SEL1L3: variants seen among roughly 807,000 people sequenced by gnomAD.
SEL1L3 encodes protein sel-1 homolog 3.
A neutral mutation model predicts 142.8 loss-of-function variants in SEL1L3; 76 were observed. The ratio of observed to expected loss-of-function variants is 0.53; its 90% CI spans 0.44 to 0.64. The LOEUF (loss-of-function observed/expected upper bound fraction) is 0.64. Ranked by LOEUF, SEL1L3 falls within the 30% of genes least tolerant of loss-of-function variation. SEL1L3 has a pLI of 0.00. For missense variants in SEL1L3, 1,262 were observed against 1,381.7 expected (o/e 0.91, Z 1.37); for synonymous variants, 504 against 519.6 (o/e 0.97, Z 0.41).
intron 19 of SEL1L3, 83 bp downstream of exon 19, chr4:25,767,442 C>T: frequency 1.4e-6 from 1 of 735,046 alleles, no homozygotes; most frequent in Non-Finnish European, 2.4e-6. Context: ...TACCTCACTT[C>T]ACACAAAGCT....
At position 25,847,763 on chromosome 4, in the gene SEL1L3, G is replaced by A; in HGVS notation, c.264C>T (p.Val88=). The A allele has an allele frequency of 6.2e-7, 1 of 1,613,596 alleles. No homozygotes were observed. The highest frequency in any genetic ancestry group is 8.5e-7 in the Non-Finnish European group (1 of 1,179,736). Residue 88 remains valine (V), a synonymous_variant, in exon 2 of 24, where the codon GTC becomes GTT. Transcript: ENST00000399878. ...VAYKDFIYFT[V]FEGNVRNVSE... is the part of the protein sequence containing the mutation. ...AAACGTTGCGAACGTTTCCTTCAAA[G>A]ACAGTAAAATAAATAAAGTCTTTGT...
At chr4:25,779,280 T>G in intron 15 of SEL1L3, 77 bp from the exon 16 acceptor site, 1 of 1,519,038 alleles carries the variant, frequency 6.6e-7, no homozygotes, top group Non-Finnish European at 9.0e-7. Flanking sequence ...TGAGATGCTT[T>G]AAGCCTGATA....
At chr4:25,835,356 T>A in intron 2 of SEL1L3, 33 bp from the exon 3 acceptor site, 1 of 1,608,984 alleles carries the variant, frequency 6.2e-7, no homozygotes, top group Non-Finnish European at 8.5e-7. Flanking sequence ...CTTTCAATTA[T>A]ATCCAGAAAA....
intron 1 of SEL1L3, among the ~76,000 whole-genome samples, chr4:25,849,044 C>G (rs915492370): frequency 6.6e-6 from 1 of 152,122 alleles, no homozygotes; most frequent in African/African-American, 2.4e-5. Flanking sequence ...GAGGCTGAGG[C>G]AGGAGAATCA....
the SEL1L3 span, among the ~76,000 whole-genome samples, chr4:25,729,964 C>CT: frequency 2.6e-5 from 4 of 151,258 alleles, no homozygotes; most frequent in African/African-American, 7.3e-5. Context: ...CCTTCTTCTT[C>CT]TTTTTTTTGA....
At chr4:25,823,870 C>T (rs763192732) in intron 6 of SEL1L3, among the ~76,000 whole-genome samples, 13 of 152,194 alleles carry the variant, frequency 8.5e-5, no homozygotes, top group Admixed American at 2.0e-4. Flanking sequence ...TATTTCAGAA[C>T]GAGGGATGGA....
intron 5 of SEL1L3, among the ~76,000 whole-genome samples, 167 bp downstream of exon 5, chr4:25,832,828 A>C (rs1002620740): frequency 6.6e-6 from 1 of 152,244 alleles, no homozygotes; most frequent in African/African-American, 2.4e-5. Context: ...CTTATGATTT[A>C]AACTTCCATC....
At chr4:25,777,068 C>G (rs1719685472) in intron 16 of SEL1L3, among the ~76,000 whole-genome samples, 1 of 151,626 alleles carries the variant, frequency 6.6e-6, no homozygotes, top group African/African-American at 2.4e-5. Flanking sequence ...TTAAAAAATA[C>G]AAATACCCAA....
At chr4:25,843,700 C>T (rs1716316230) in intron 2 of SEL1L3, among the ~76,000 whole-genome samples, 1 of 152,234 alleles carries the variant, frequency 6.6e-6, no homozygotes, top group Non-Finnish European at 1.5e-5. Context: ...GCACCGGGGG[C>T]ATGTGGCCGA....
At chr4:25,752,914 A>G (rs1441829433) in intron 23 of SEL1L3, among the ~76,000 whole-genome samples, 1 of 152,224 alleles carries the variant, frequency 6.6e-6, no homozygotes, top group Non-Finnish European at 1.5e-5. Context: ...CGCCCAGCCC[A>G]TTTGTGGAGT....
chr4:25,838,416 C>T (rs1715968346), intron 2 of SEL1L3, among the ~76,000 whole-genome samples: 1 of 152,118 alleles, frequency 6.6e-6, no homozygotes, highest in Non-Finnish European at 1.5e-5. Context: ...CATTTGGAGA[C>T]AAGAAAAGTG....
chr4:25,835,472 G>C, intron 2 of SEL1L3, 149 bp from the exon 3 acceptor site: 1 of 824,364 alleles, frequency 1.2e-6, no homozygotes, highest in Non-Finnish European at 1.9e-6. Flanking sequence ...TTGAATAAAT[G>C]CCAAGCACCA....
intron 13 of SEL1L3, among the ~76,000 whole-genome samples, chr4:25,784,548 A>G (rs550784274): frequency 1.1e-3 from 161 of 152,318 alleles, no homozygotes; most frequent in African/African-American, 3.7e-3. Context: ...CAACCCTGTC[A>G]ATCCACAGGT....
rs1717986202 is a variant in SEL1L3 at position 25,756,729 on chromosome 4, T to A, written c.3259+805A>T. 11 of 1,115,414 alleles carry A rather than the reference T, an allele frequency of 9.9e-6. 1 individual carries two copies. In the South Asian group the frequency reaches 2.4e-4, roughly 25 times the overall value. The allele number at this position is 1,115,414 out of a possible 1,614,324, so 69.1% of individuals were successfully genotyped here. On this transcript the variant is annotated intron_variant, in intron 23 of 23. Transcript: ENST00000399878. ...TTAGTGGAAACCATGCTCAGCTAAATGCCCACTTTACGATTCCTGCTCAGT... is the reference window on the plus strand; with the variant it reads ...TTAGTGGAAACCATGCTCAGCTAAAAGCCCACTTTACGATTCCTGCTCAGT...
intron 23 of SEL1L3, among the ~76,000 whole-genome samples, chr4:25,755,137 G>T (rs1030910284): frequency 2.6e-5 from 4 of 152,084 alleles, no homozygotes; most frequent in African/African-American, 9.7e-5. Context: ...AGGCTGGAGT[G>T]CCATGGTGTG....
chr4:25,757,507 T>A, intron 23 of SEL1L3, 27 bp downstream of exon 23: 1 of 1,438,608 alleles, frequency 7.0e-7, no homozygotes, highest in Non-Finnish European at 9.3e-7. Flanking sequence ...TTTTAATATA[T>A]TGCTTTCGCT....
At chr4:25,777,144 A>G (rs1719691916) in intron 16 of SEL1L3, among the ~76,000 whole-genome samples, 3 of 152,140 alleles carry the variant, frequency 2.0e-5, no homozygotes, top group Non-Finnish European at 1.5e-5. Flanking sequence ...AAGCAAAAAA[A>G]TGGAAAAAGA....
At chr4:25,830,712 C>T (rs534676999) in intron 5 of SEL1L3, among the ~76,000 whole-genome samples, 6 of 152,126 alleles carry the variant, frequency 3.9e-5, no homozygotes, top group South Asian at 2.1e-4. Flanking sequence ...ATAAGCCTCT[C>T]GACTCAAGGG....
Position 25,830,079 on chromosome 4 carries a change from A to C in SEL1L3, c.1157+19T>G. On this transcript the variant is annotated intron_variant, in intron 6 of 23. Coordinates refer to ENST00000399878, the MANE Select transcript of SEL1L3 (RefSeq NM_015187.5). ...TCGCATGCAGGCAAATTTTGAATAAAAAGAAAAATCGCACTTACCTAATGG... is the reference window on the plus strand; with the variant it reads ...TCGCATGCAGGCAAATTTTGAATAACAAGAAAAATCGCACTTACCTAATGG... 6.3e-7 allele frequency: 1 copy of C among 1,584,228 alleles called. No homozygotes were observed. The highest frequency in any genetic ancestry group is 8.7e-7 in the Non-Finnish European group (1 of 1,153,848).
Sources: gnomAD v4.1 joint callset for allele counts (sites outside exome capture counted in the v4.1 genomes callset) on GRCh38, gnomAD v4.1.1 for gene constraint, MANE v1.5 for transcripts, NCBI Gene and HGNC (gene_info 2026-07-23, HGNC 2026-07-21) for gene names.